The following PABPC4L variants were observed in gnomAD, a reference collection of about 807,000 sequenced individuals.
The protein encoded by PABPC4L is poly(A) binding protein cytoplasmic 4 like.
For missense variants in PABPC4L, 452 were observed against 451.4 expected (o/e 1.00, Z -0.01); for synonymous variants, 169 against 164.1 (o/e 1.03, Z -0.23).
At chr4:134,059,010 T>G in the PABPC4L span, among the ~76,000 whole-genome samples, 4 of 152,060 alleles carry the variant, frequency 2.6e-5, no homozygotes, top group African/African-American at 9.7e-5. Flanking sequence ...CTAGAAAGTT[T>G]TATTTATTGA....
the PABPC4L span, among the ~76,000 whole-genome samples, chr4:134,047,262 T>C: frequency 1.3e-5 from 2 of 152,166 alleles, no homozygotes; most frequent in African/African-American, 2.4e-5. Context: ...CTTGGTTCAA[T>C]GTAAGCATCA....
At chr4:134,099,606 T>C in the PABPC4L span, among the ~76,000 whole-genome samples, 5 of 151,748 alleles carry the variant, frequency 3.3e-5, no homozygotes, top group East Asian at 7.8e-4. Flanking sequence ...ATTAAAAACT[T>C]TTAAAAAACA....
the PABPC4L span, among the ~76,000 whole-genome samples, chr4:134,008,416 C>G: frequency 1.3e-5 from 2 of 151,368 alleles, no homozygotes; most frequent in Middle Eastern, 6.8e-3. Flanking sequence ...GTAGACTTAC[C>G]TAATGCACAC....
chr4:134,029,041 T>C, the PABPC4L span, among the ~76,000 whole-genome samples: 2 of 152,170 alleles, frequency 1.3e-5, no homozygotes, highest in East Asian at 3.8e-4. Context: ...TATGTAGTAA[T>C]AGCTTTGTTG....
the PABPC4L span, among the ~76,000 whole-genome samples, chr4:134,022,248 T>A: frequency 1.3e-5 from 2 of 152,250 alleles, no homozygotes; most frequent in South Asian, 4.1e-4. Context: ...GTATCCAAGT[T>A]CTTAATAAAT....
chr4:134,055,426 A>G, the PABPC4L span, among the ~76,000 whole-genome samples: 2 of 148,900 alleles, frequency 1.3e-5, no homozygotes, highest in Non-Finnish European at 3.0e-5. Context: ...CACAATGAGA[A>G]GATGGTCATC....
chr4:133,973,521 C>T, the PABPC4L span, among the ~76,000 whole-genome samples: 1 of 152,102 alleles, frequency 6.6e-6, no homozygotes, highest in East Asian at 1.9e-4. Flanking sequence ...TAATCCCATT[C>T]CCTTCTCCAT....
At chr4:133,994,545 T>C in the PABPC4L span, among the ~76,000 whole-genome samples, 2 of 152,104 alleles carry the variant, frequency 1.3e-5, no homozygotes, top group Admixed American at 1.3e-4. Context: ...ATTTTTTGCT[T>C]CTGAGTGACC....
chr4:133,960,169 T>A, the PABPC4L span, among the ~76,000 whole-genome samples: 1 of 152,066 alleles, frequency 6.6e-6, no homozygotes, highest in African/African-American at 2.4e-5. Context: ...AAATGGGGAA[T>A]CCCAAAAGGA....
the PABPC4L span, among the ~76,000 whole-genome samples, chr4:134,091,977 G>A: frequency 6.6e-6 from 1 of 151,924 alleles, no homozygotes; most frequent in African/African-American, 2.4e-5. Context: ...CTGTTTTTAG[G>A]AGCTTTAATA....
the PABPC4L span, among the ~76,000 whole-genome samples, chr4:134,153,810 GTTTTTTTT>G: frequency 1.3e-5 from 1 of 77,582 alleles, no homozygotes; most frequent in African/African-American, 5.4e-5. Context: ...CCTATGCCTA[GTTTTTTTT>G]TTTTTTTTTT....
the PABPC4L span, among the ~76,000 whole-genome samples, chr4:134,000,013 T>C: frequency 6.6e-6 from 1 of 152,154 alleles, no homozygotes. Context: ...TTGTAAGTTA[T>C]ATTTTAAAAG....
At chr4:134,047,397 G>T in the PABPC4L span, among the ~76,000 whole-genome samples, 1 of 152,084 alleles carries the variant, frequency 6.6e-6, no homozygotes, top group Non-Finnish European at 1.5e-5. Context: ...GATGGAAACG[G>T]TGAGTGTTCC....
the PABPC4L span, among the ~76,000 whole-genome samples, chr4:134,143,794 A>T: frequency 6.6e-6 from 1 of 151,484 alleles, no homozygotes; most frequent in East Asian, 1.9e-4. Flanking sequence ...AAGTAACTTT[A>T]GTTACTTTCC....
chr4:134,028,600 C>T, the PABPC4L span, among the ~76,000 whole-genome samples: 2 of 152,106 alleles, frequency 1.3e-5, no homozygotes, highest in Non-Finnish European at 2.9e-5. Context: ...TTGCTTGTCA[C>T]AGTTGAATGT....
the PABPC4L span, among the ~76,000 whole-genome samples, chr4:134,163,401 A>G: frequency 6.6e-6 from 1 of 152,190 alleles, no homozygotes; most frequent in East Asian, 1.9e-4. Flanking sequence ...AGCTAGATGA[A>G]TTTGCAGCCA....
At chr4:134,182,149 C>T in the PABPC4L span, among the ~76,000 whole-genome samples, 1 of 151,414 alleles carries the variant, frequency 6.6e-6, no homozygotes, top group Non-Finnish European at 1.5e-5. Flanking sequence ...ATAAAAGAGC[C>T]TTAATAAAAG....
the PABPC4L span, among the ~76,000 whole-genome samples, chr4:134,069,511 G>A: frequency 1.3e-5 from 2 of 151,980 alleles, no homozygotes; most frequent in Admixed American, 1.3e-4. Context: ...GAGAGTATTT[G>A]TTCTTATTTA....
chr4:134,155,833 A>G, the PABPC4L span, among the ~76,000 whole-genome samples: 4 of 152,018 alleles, frequency 2.6e-5, no homozygotes, highest in Non-Finnish European at 5.9e-5. Context: ...ATAATTGTAC[A>G]CTATGTTATT....
Sources: allele counts gnomAD v4.1 joint callset (sites outside exome capture counted in the v4.1 genomes callset), GRCh38; gene constraint gnomAD v4.1.1; transcripts MANE v1.5; gene names NCBI Gene and HGNC (gene_info 2026-07-23, HGNC 2026-07-21).